ROR2: variants seen among roughly 807,000 people sequenced by gnomAD.
ROR2 encodes the protein tyrosine-protein kinase transmembrane receptor ROR2.
A neutral mutation model predicts 74.9 loss-of-function variants in ROR2; 33 were observed. That is an observed-to-expected ratio of 0.44 (90% CI 0.33 to 0.59). ROR2 has a LOEUF of 0.59. ROR2 is among the 20% of genes least tolerant of loss of function. The pLI is 0.02. For synonymous variants in ROR2, 586 were observed against 558.7 expected (o/e 1.05, Z -0.69); for missense variants, 1,216 against 1,313.8 (o/e 0.93, Z 1.15).
intron 1 of ROR2, among the ~76,000 whole-genome samples, chr9:91,884,971 T>C (rs918063276): frequency 3.3e-5 from 5 of 152,182 alleles, no homozygotes; most frequent in African/African-American, 4.8e-5. Flanking sequence ...TTCTGTGTTA[T>C]CACTGCAAGC....
At chr9:91,759,079 C>T (rs1340158925) in intron 2 of ROR2, among the ~76,000 whole-genome samples, 1 of 152,180 alleles carries the variant, frequency 6.6e-6, no homozygotes, top group Non-Finnish European at 1.5e-5. Flanking sequence ...CCTTTCTTTT[C>T]AAGTGAAGTT....
chr9:91,829,001 A>G (rs2119176581), intron 1 of ROR2, among the ~76,000 whole-genome samples: 1 of 152,354 alleles, frequency 6.6e-6, no homozygotes, highest in East Asian at 1.9e-4. Context: ...TCATCTCCCT[A>G]TTTTAAATGG....
chr9:91,853,157 C>A (rs1829166169), intron 1 of ROR2, among the ~76,000 whole-genome samples: 1 of 152,192 alleles, frequency 6.6e-6, no homozygotes, highest in African/African-American at 2.4e-5. Context: ...TGGGGTTGGG[C>A]CTTTGCCCCT....
chr9:91,836,546 A>AAAAAAAAAAAAAAAAAAAAAAAAAAAAAC (rs1828617379), intron 1 of ROR2, among the ~76,000 whole-genome samples: 1 of 151,914 alleles, frequency 6.6e-6, no homozygotes, highest in African/African-American at 2.4e-5. Flanking sequence ...TCTCAAAAAA[A>AAAAAAAAAAAAAAAAAAAAAAAAAAAAAC]AAAAAAAACA....
At chr9:91,783,905 T>C (rs1462270422) in intron 1 of ROR2, among the ~76,000 whole-genome samples, 2 of 152,014 alleles carry the variant, frequency 1.3e-5, no homozygotes, top group African/African-American at 4.8e-5. Flanking sequence ...AAGTCTGTCC[T>C]CCTCCCCAGT....
intron 1 of ROR2, among the ~76,000 whole-genome samples, chr9:91,817,716 C>G (rs190238896): frequency 1.7e-4 from 26 of 152,174 alleles, no homozygotes; most frequent in African/African-American, 6.3e-4. Context: ...CAATATGAGG[C>G]CCCATCTGGT....
At chr9:91,913,959 T>C (rs911498125) in intron 1 of ROR2, among the ~76,000 whole-genome samples, 38 of 152,138 alleles carry the variant, frequency 2.5e-4, no homozygotes, top group African/African-American at 6.8e-4. Context: ...CCTTGGTCAA[T>C]TGCATGAATA....
At chr9:91,840,351 C>G (rs1225686819) in intron 1 of ROR2, among the ~76,000 whole-genome samples, 2 of 152,214 alleles carry the variant, frequency 1.3e-5, no homozygotes, top group Non-Finnish European at 2.9e-5. Flanking sequence ...ACTGAAAACC[C>G]AGAGCCTTCC....
rs1233111868 is a variant in ROR2 at position 91,792,673 on chromosome 9, AT to A, written c.98-16856del. Among the ~76,000 whole-genome samples the A allele has an allele frequency of 2.0e-5, 3 of 152,322 alleles. No homozygotes were observed. The East Asian group carries it at 5.8e-4, about 29-fold the overall frequency. ...GACTGACCAAGAGAAGACTCAAATT[AT>A]TAATATTAAGAATATTAAGAATGAA... On this transcript the variant is annotated intron_variant, in intron 1 of 8. Transcript: ENST00000375708.
At chr9:91,945,776 C>G (rs531501042) in intron 1 of ROR2, among the ~76,000 whole-genome samples, 1 of 152,310 alleles carries the variant, frequency 6.6e-6, no homozygotes, top group South Asian at 2.1e-4. Flanking sequence ...TCTTTGGCCA[C>G]TCTACGAATA....
At chr9:91,822,290 C>T (rs151083242) in intron 1 of ROR2, among the ~76,000 whole-genome samples, 2 of 152,192 alleles carry the variant, frequency 1.3e-5, no homozygotes, top group Non-Finnish European at 2.9e-5. Flanking sequence ...TACACACCAC[C>T]ACCAAGGATC....
At chr9:91,740,137 C>T (rs912542812) in intron 4 of ROR2, among the ~76,000 whole-genome samples, 1 of 152,150 alleles carries the variant, frequency 6.6e-6, no homozygotes, top group Non-Finnish European at 1.5e-5. Flanking sequence ...CAGGTGCCCA[C>T]AGGACAGAGA....
intron 1 of ROR2, among the ~76,000 whole-genome samples, chr9:91,886,410 C>CCA (rs1185673962): frequency 2.6e-5 from 4 of 152,196 alleles, no homozygotes; most frequent in African/African-American, 9.7e-5. Flanking sequence ...TGTGTCTACA[C>CCA]CACGGCCTCT....
chr9:91,828,114 A>C (rs969345860), intron 1 of ROR2, among the ~76,000 whole-genome samples: 2 of 152,268 alleles, frequency 1.3e-5, no homozygotes. Context: ...AGAAGAACTG[A>C]CATCTTTAAA....
At chr9:91,912,262 G>A (rs551876510) in intron 1 of ROR2, among the ~76,000 whole-genome samples, 2 of 152,278 alleles carry the variant, frequency 1.3e-5, no homozygotes, top group South Asian at 2.1e-4. Flanking sequence ...AAGGGAAGCC[G>A]AGTTAAAGGG....
chr9:91,906,593 A>G (rs1490034731), intron 1 of ROR2, among the ~76,000 whole-genome samples: 1 of 152,210 alleles, frequency 6.6e-6, no homozygotes, highest in Non-Finnish European at 1.5e-5. Context: ...ATGGAATTCA[A>G]GAAAATCCCC....
intron 1 of ROR2, among the ~76,000 whole-genome samples, chr9:91,940,692 C>A (rs929077373): frequency 1.2e-4 from 14 of 114,894 alleles, no homozygotes; most frequent in African/African-American, 7.1e-4. Context: ...CCTCCTGGGT[C>A]CAAGTGATCC....
At position 91,905,613 on chromosome 9, in the gene ROR2, A is replaced by G. The variant is rs1459671098; in HGVS notation, c.97+44254T>C. ...ATCACACATGCCACACACAACACAT[A>G]TACAGATGCCCCCAACACACATAAA... On this transcript the variant is annotated intron_variant, in intron 1 of 8. Transcript: ENST00000375708. The surrounding 1 kb of genome is among the most constrained non-coding windows in gnomAD (Gnocchi z 5.3). Among the ~76,000 whole-genome samples the G allele has an allele frequency of 6.6e-6, 1 of 151,978 alleles. No individual in the cohort carries two copies. The highest frequency in any genetic ancestry group is 2.4e-5 in the African/African-American group (1 of 41,364).
chr9:91,869,444 G>A (rs199755334), intron 1 of ROR2, among the ~76,000 whole-genome samples: 4 of 152,106 alleles, frequency 2.6e-5, no homozygotes, highest in African/African-American at 9.7e-5. Flanking sequence ...ATGGATAAGC[G>A]AACCGTGAAC....
Sources: allele counts gnomAD v4.1 joint callset (sites outside exome capture counted in the v4.1 genomes callset), GRCh38; gene constraint gnomAD v4.1.1; non-coding constraint Gnocchi (gnomAD v3.1); transcripts MANE v1.5; gene names NCBI Gene and HGNC (gene_info 2026-07-23, HGNC 2026-07-21).